The following FGGY variants were observed in gnomAD, a reference collection of about 807,000 sequenced individuals.
FGGY encodes FGGY carbohydrate kinase domain containing.
FGGY carries 72 observed loss-of-function variants against 71.3 expected under a neutral mutation model. The observed-to-expected ratio is 1.01, with a 90% confidence interval of 0.84 to 1.23. The LOEUF is 1.23. Among genes scored for constraint, FGGY ranks in the 50% most tolerant of loss-of-function variants. The pLI, the probability that FGGY is intolerant of heterozygous loss-of-function variation, is 0.00. For missense variants in FGGY, 668 were observed against 682.3 expected (o/e 0.98, Z 0.23); for synonymous variants, 251 against 250.3 (o/e 1.00, Z -0.02).
At chr1:59,444,580 G>C (rs1046160745) in intron 5 of FGGY, among the ~76,000 whole-genome samples, 1 of 152,146 alleles carries the variant, frequency 6.6e-6, no homozygotes, top group Non-Finnish European at 1.5e-5. Flanking sequence ...TCTGTAGCCT[G>C]TTAGGAATCT....
At chr1:59,346,140 A>G in intron 3 of FGGY, 107 bp from the exon 4 acceptor site, 1 of 1,405,550 alleles carries the variant, frequency 7.1e-7, no homozygotes, top group Non-Finnish European at 9.7e-7. Context: ...GATACATAAA[A>G]TTATAGAAAG....
intron 7 of FGGY, among the ~76,000 whole-genome samples, chr1:59,534,546 G>A (rs1305249245): frequency 6.6e-6 from 1 of 152,086 alleles, no homozygotes; most frequent in Non-Finnish European, 1.5e-5. Flanking sequence ...CACCAAAGTT[G>A]AAATGAAGGA....
intron 10 of FGGY, among the ~76,000 whole-genome samples, chr1:59,634,962 G>T (rs1187749983): frequency 6.6e-6 from 1 of 152,164 alleles, no homozygotes; most frequent in East Asian, 1.9e-4. Context: ...GACAGCAAAA[G>T]TTTCTCCTTT....
chr1:59,697,441 C>T (rs535190385), intron 14 of FGGY, among the ~76,000 whole-genome samples: 5 of 152,184 alleles, frequency 3.3e-5, no homozygotes, highest in Admixed American at 1.3e-4. Flanking sequence ...TAAGTGGAAT[C>T]ATACAGCATT....
intron 8 of FGGY, among the ~76,000 whole-genome samples, chr1:59,556,791 T>G (rs929490885): frequency 2.6e-5 from 4 of 152,186 alleles, no homozygotes; most frequent in Non-Finnish European, 4.4e-5. Context: ...ATGGTGGAGA[T>G]TGTTATTAAA....
intron 10 of FGGY, 45 bp downstream of exon 10, chr1:59,626,094 G>A (rs769485144): frequency 1.9e-6 from 3 of 1,540,556 alleles, no homozygotes; most frequent in South Asian, 1.1e-5. Flanking sequence ...TTGTGTGACT[G>A]TATTGAGAGA....
intron 14 of FGGY, among the ~76,000 whole-genome samples, chr1:59,733,456 G>GT (rs1206243455): frequency 8.4e-6 from 1 of 118,496 alleles, no homozygotes; most frequent in African/African-American, 3.1e-5. Context: ...GTTTTGTTTT[G>GT]TTTTGTTTTT....
At chr1:59,308,757 T>C (rs2043812780) in intron 1 of FGGY, among the ~76,000 whole-genome samples, 1 of 152,182 alleles carries the variant, frequency 6.6e-6, no homozygotes, top group Non-Finnish European at 1.5e-5. Context: ...AAAATAAAAG[T>C]TTGAGAACCA....
At chr1:59,418,119 G>C (rs1365641980) in intron 5 of FGGY, among the ~76,000 whole-genome samples, 1 of 152,096 alleles carries the variant, frequency 6.6e-6, no homozygotes, top group Non-Finnish European at 1.5e-5. Flanking sequence ...TCCCAGAAAA[G>C]GAGGTTATGC....
chr1:59,760,639 C>T (rs2098333507), intron 15 of FGGY, among the ~76,000 whole-genome samples: 1 of 152,128 alleles, frequency 6.6e-6, no homozygotes, highest in Admixed American at 6.5e-5. Flanking sequence ...TTCTGACATG[C>T]CACACATCAG....
intron 13 of FGGY, among the ~76,000 whole-genome samples, chr1:59,673,469 G>C (rs2097401200): frequency 6.6e-6 from 1 of 152,210 alleles, no homozygotes. Flanking sequence ...AGTGGGGCCA[G>C]ATCTGGGAGG....
intron 13 of FGGY, among the ~76,000 whole-genome samples, chr1:59,671,265 G>A (rs911977265): frequency 6.6e-6 from 1 of 152,232 alleles, no homozygotes; most frequent in Non-Finnish European, 1.5e-5. Flanking sequence ...ACACACTCCA[G>A]TTAGGTTAAC....
At chr1:59,475,193 A>T (rs1032484380) in intron 6 of FGGY, among the ~76,000 whole-genome samples, 4 of 152,168 alleles carry the variant, frequency 2.6e-5, no homozygotes, top group African/African-American at 9.7e-5. Flanking sequence ...TCCAACCAAG[A>T]TACAATAAGA....
intron 6 of FGGY, among the ~76,000 whole-genome samples, chr1:59,458,992 C>T (rs189321847): frequency 1.3e-5 from 2 of 152,304 alleles, no homozygotes; most frequent in Admixed American, 1.3e-4. Flanking sequence ...CCAGTGGCCT[C>T]ATTGCCCGTC....
chr1:59,627,451 A>ATT (rs1326338515), intron 10 of FGGY, among the ~76,000 whole-genome samples: 4 of 59,786 alleles, frequency 6.7e-5, no homozygotes, highest in East Asian at 4.3e-4. Flanking sequence ...TCAACTTATG[A>ATT]TTTTATATAT....
At chr1:59,297,033 AGTC>A (rs543036138), upstream of FGGY, 243 of 153,154 alleles carry the variant, frequency 1.6e-3, 1 homozygote, top group African/African-American at 5.7e-3. Context: ...CCTTTCCCGC[AGTC>A]GTTGCCTCCT....
chr1:59,353,513 T>C (rs1357980755), intron 4 of FGGY, among the ~76,000 whole-genome samples: 2 of 152,192 alleles, frequency 1.3e-5, no homozygotes, highest in African/African-American at 4.8e-5. Flanking sequence ...ATTCATTTAT[T>C]TGAATCACCC....
At chr1:59,417,773 A>G (rs1176344472) in intron 5 of FGGY, among the ~76,000 whole-genome samples, 2 of 152,212 alleles carry the variant, frequency 1.3e-5, no homozygotes, top group East Asian at 1.9e-4. Flanking sequence ...TTCAGATCAT[A>G]TGCCCATTAT....
intron 14 of FGGY, among the ~76,000 whole-genome samples, chr1:59,691,353 A>G (rs940993241): frequency 6.6e-6 from 1 of 152,168 alleles, no homozygotes; most frequent in Non-Finnish European, 1.5e-5. Context: ...GTTACTGTCA[A>G]ACATTGTGTG....
Sources: gnomAD v4.1 joint callset for allele counts (sites outside exome capture counted in the v4.1 genomes callset) on GRCh38, gnomAD v4.1.1 for gene constraint, MANE v1.5 for transcripts, NCBI Gene and HGNC (gene_info 2026-07-23, HGNC 2026-07-21) for gene names.